SCIMP: variants seen among roughly 807,000 people sequenced by gnomAD.
SCIMP encodes SLP adapter and CSK-interacting membrane protein.
Under a neutral mutation model 22.0 loss-of-function variants are expected in SCIMP, and 18 were observed. The ratio of observed to expected loss-of-function variants is 0.82; its 90% CI spans 0.56 to 1.21. The LOEUF (loss-of-function observed/expected upper bound fraction) is 1.21, where lower values mean the gene tolerates loss of function less well. Among genes scored for constraint, SCIMP ranks in the 50% most tolerant of loss-of-function variants. SCIMP has a pLI of 0.00. For missense variants in SCIMP, 155 were observed against 171.2 expected (o/e 0.91, Z 0.53); for synonymous variants, 53 against 62.2 (o/e 0.85, Z 0.70).
At position 5,210,530 on chromosome 17, in the gene SCIMP, G is replaced by A. The variant is rs2074518931; in HGVS notation, c.*271C>T. On this transcript the variant is annotated 3_prime_UTR_variant, in exon 5 of 5. Coordinates refer to ENST00000574081, the MANE Select transcript of SCIMP (RefSeq NM_207103.3). ...CAGGTGGGAGCCATGGAGCCCCGTG[G>A]TCCTTCCCATGGAAAGTTTCCTCAA... 8.5e-6 allele frequency: 3 copies of A among 351,096 alleles called. No homozygotes were observed. The highest frequency in any genetic ancestry group is 6.4e-5 in the African/African-American group (3 of 47,244). The allele number at this position is 351,096 out of a possible 1,614,324, so 21.7% of individuals were successfully genotyped here. A position where few individuals can be genotyped will look rare whatever the true frequency, so the allele number is the denominator to read the frequency against.
chr17:5,210,687 A>G lies in SCIMP; in HGVS notation c.*114T>C. ...GCTTTATCTTATAGAGCTTCATAAA[A>G]TCACCACTGGCTTTCAGGGCCCAGA... On this transcript the variant is annotated 3_prime_UTR_variant, in exon 5 of 5. Transcript: ENST00000574081. The G allele has an allele frequency of 4.3e-6, 6 of 1,394,080 alleles. No individual in the cohort carries two copies. The highest frequency in any genetic ancestry group is 5.2e-4 in the Middle Eastern group (2 of 3,822). The allele number at this position is 1,394,080 out of a possible 1,614,324, so 86.4% of individuals were successfully genotyped here. A position where few individuals can be genotyped will look rare whatever the true frequency, so the allele number is the denominator to read the frequency against.
intron 3 of SCIMP, among the ~76,000 whole-genome samples, chr17:5,219,276 G>A (rs750554799): frequency 5.9e-5 from 9 of 151,434 alleles, no homozygotes; most frequent in South Asian, 2.1e-4. Flanking sequence ...CCGAGATCGC[G>A]CTATTGCACT....
rs138931045 is a variant in SCIMP, at chr17:5,224,339, G to A, written c.22-883C>T. ...TTTTTAGTAGAGACGGGGTTTCACCGTGTTAGCCAGGATAGTCTCGATCTC... is the reference window on the plus strand; with the variant it reads ...TTTTTAGTAGAGACGGGGTTTCACCATGTTAGCCAGGATAGTCTCGATCTC... On this transcript the variant is annotated intron_variant, in intron 1 of 4. Coordinates refer to ENST00000574081, the MANE Select transcript of SCIMP (RefSeq NM_207103.3). Among the ~76,000 whole-genome samples the A allele has an allele frequency of 6.3e-3, 955 of 151,590 alleles. 3 individuals are homozygous for A. The highest frequency in any genetic ancestry group is 0.034 in the Middle Eastern group (10 of 292).
At chr17:5,222,093 T>C (rs2074612462) in intron 2 of SCIMP, among the ~76,000 whole-genome samples, 1 of 54,000 alleles carries the variant, frequency 1.9e-5, no homozygotes, top group African/African-American at 4.2e-5. Context: ...TGAAAACTTG[T>C]TTTTTTTTTT....
chr17:5,216,756 G>C (rs182449878), intron 3 of SCIMP, among the ~76,000 whole-genome samples: 163 of 152,318 alleles, frequency 1.1e-3, no homozygotes, highest in Non-Finnish European at 9.3e-4. Context: ...ATGGTTGAAA[G>C]GCTGTATAAA....
intron 4 of SCIMP, among the ~76,000 whole-genome samples, chr17:5,211,516 C>G (rs998690696): frequency 4.1e-5 from 6 of 145,604 alleles, no homozygotes; most frequent in African/African-American, 1.5e-4. Context: ...ATGGTAAGAC[C>G]CTGTCTCCAA....
At chr17:5,229,211 A>G (rs2074674695) in intron 1 of SCIMP, among the ~76,000 whole-genome samples, 1 of 151,960 alleles carries the variant, frequency 6.6e-6, no homozygotes, top group Admixed American at 6.6e-5. Context: ...GTTTCAGTGG[A>G]AAGGATTTGG....
chr17:5,217,168 T>C (rs1013891459), intron 3 of SCIMP, among the ~76,000 whole-genome samples: 2 of 152,070 alleles, frequency 1.3e-5, no homozygotes, highest in Non-Finnish European at 2.9e-5. Flanking sequence ...TCTCACTTTC[T>C]CCTCCAGAGC....
rs905464570 is a variant in SCIMP at position 5,213,257 on chromosome 17, C to T, written c.283+1668G>A. Reference sequence around the variant, plus strand: ...TGCTGCCCCCTTTTTGCTTTTCCATCCCTTTTTTTTTTTTTTTTGAGACAG... The same window carrying T: ...TGCTGCCCCCTTTTTGCTTTTCCATTCCTTTTTTTTTTTTTTTTGAGACAG... On this transcript the variant is annotated intron_variant, in intron 4 of 4. Transcript: ENST00000574081. 5.5e-6 allele frequency: 5 copies of T among 914,560 alleles called. No individual in the cohort carries two copies. In the African/African-American group the frequency reaches 1.3e-4, roughly 24 times the overall value. 56.7% of individuals were successfully genotyped at this position (914,560 alleles called of 1,614,324 possible).
At position 5,221,069 on chromosome 17, in the gene SCIMP, AAAGAG is replaced by A. The variant is rs1567840424; in HGVS notation, c.209+213_209+217del. 7.8e-5 allele frequency: 51 copies of A among 657,982 alleles called. No individual in the cohort carries two copies. The East Asian group carries it at 1.4e-3, about 18-fold the overall frequency. 40.8% of individuals were successfully genotyped at this position (657,982 alleles called of 1,614,324 possible). On this transcript the variant is annotated intron_variant, in intron 3 of 4. Coordinates refer to ENST00000574081, the MANE Select transcript of SCIMP (RefSeq NM_207103.3). ...CAAGACTCCATCTCAAAAAAAAAAA[AAAGAG>A]AGAGAGAGATGAGAGGAGGGAGGAC...
At chr17:5,212,960 A>T in intron 4 of SCIMP, 1 of 155,902 alleles carries the variant, frequency 6.4e-6, no homozygotes, top group African/African-American at 2.7e-5. Context: ...TCAGTTTCAT[A>T]AAGGAAATTA....
intron 1 of SCIMP, among the ~76,000 whole-genome samples, chr17:5,229,877 C>T (rs1037189873): frequency 7.0e-6 from 1 of 142,178 alleles, no homozygotes; most frequent in African/African-American, 2.6e-5. Flanking sequence ...CCTCTCTGCT[C>T]CTCTCCTCTC....
At chr17:5,234,101 T>C (rs1382528920) in intron 1 of SCIMP, among the ~76,000 whole-genome samples, 1 of 151,966 alleles carries the variant, frequency 6.6e-6, no homozygotes, top group African/African-American at 2.4e-5. Context: ...TGAAACTCCG[T>C]CTCTACTAAA....
chr17:5,213,914 C>T (rs575431411), intron 4 of SCIMP: 1 of 152,140 alleles, frequency 6.6e-6, no homozygotes, highest in Non-Finnish European at 1.5e-5. Context: ...TTTGTGTCCC[C>T]CCAAAATTCA....
chr17:5,216,838 G>A (rs761349654), intron 3 of SCIMP, among the ~76,000 whole-genome samples: 5 of 152,080 alleles, frequency 3.3e-5, no homozygotes, highest in Non-Finnish European at 5.9e-5. Context: ...TGTTGAGTTC[G>A]TGGAAATTCA....
intron 4 of SCIMP, chr17:5,213,628 C>G (rs1383684738): frequency 6.6e-6 from 1 of 152,140 alleles, no homozygotes; most frequent in Non-Finnish European, 1.5e-5. Context: ...GGGTGGATCA[C>G]TTGAGGTCAG....
chr17:5,224,437 AGTTTTTTTGTTT>A (rs1418114330), intron 1 of SCIMP, among the ~76,000 whole-genome samples: 1 of 104,754 alleles, frequency 9.5e-6, no homozygotes, highest in Non-Finnish European at 2.0e-5. Flanking sequence ...GCACCAGGCC[AGTTTTTTTGTTT>A]GTTTGTTTGT....
At chr17:5,218,711 G>A (rs1250558295) in intron 3 of SCIMP, among the ~76,000 whole-genome samples, 1 of 152,162 alleles carries the variant, frequency 6.6e-6, no homozygotes, top group Non-Finnish European at 1.5e-5. Context: ...TCTTGAAAGG[G>A]ATCAGAATTG....
At chr17:5,213,026 T>TTTTTTTTTTTTTTTTTTTG (rs1555612865) in intron 4 of SCIMP, 1 of 596,522 alleles carries the variant, frequency 1.7e-6, no homozygotes, top group Non-Finnish European at 2.1e-6. Context: ...TGGTAACTTC[T>TTTTTTTTTTTTTTTTTTTG]GAGCTGACAT....
Sources: gnomAD v4.1 joint callset for allele counts (sites outside exome capture counted in the v4.1 genomes callset) on GRCh38, gnomAD v4.1.1 for gene constraint, MANE v1.5 for transcripts, NCBI Gene and HGNC (gene_info 2026-07-23, HGNC 2026-07-21) for gene names.